The following GOLGA8A variants were observed in gnomAD, a reference collection of about 807,000 sequenced individuals.
The protein encoded by GOLGA8A is golgin subfamily A member 8A.
GOLGA8A carries 3 observed loss-of-function variants against 22.1 expected under a neutral mutation model. That is an observed-to-expected ratio of 0.14 (90% confidence interval 0.06 to 0.35). The LOEUF (loss-of-function observed/expected upper bound fraction) is 0.35. Ranked by LOEUF, GOLGA8A falls within the 10% of genes least tolerant of loss-of-function variation. The pLI is 1.00. For missense variants in GOLGA8A, 16 were observed against 233.2 expected, an observed-to-expected ratio of 0.07 and a Z score of 6.07; for synonymous variants, 7 against 91.7, an observed-to-expected ratio of 0.08 and a Z score of 5.28.
chr15:34,417,936 A>G (rs1892639147), intron 2 of GOLGA8A: 1 of 139,852 alleles, frequency 7.2e-6, no homozygotes, highest in Non-Finnish European at 1.5e-5. Context: ...GTGTTACTAA[A>G]CGTCCTACAA....
At chr15:34,421,687 T>C (rs1361419482) in intron 2 of GOLGA8A, among the ~76,000 whole-genome samples, 2 of 142,080 alleles carry the variant, frequency 1.4e-5, no homozygotes, top group Non-Finnish European at 3.1e-5. Context: ...TTACCCCTTT[T>C]TCATCACTCG....
At chr15:34,429,146 C>T (rs1893118343) in intron 2 of GOLGA8A, among the ~76,000 whole-genome samples, 1 of 147,220 alleles carries the variant, frequency 6.8e-6, no homozygotes. Context: ...CCTCTGGATG[C>T]ACCTCTCAAC....
intron 2 of GOLGA8A, among the ~76,000 whole-genome samples, chr15:34,434,914 A>G (rs1156411188): frequency 6.7e-6 from 1 of 149,438 alleles, no homozygotes; most frequent in Non-Finnish European, 1.5e-5. Flanking sequence ...CCAGGCCCAG[A>G]GCTCTCTCCG....
chr15:34,433,413 T>TG (rs566128783), intron 2 of GOLGA8A, among the ~76,000 whole-genome samples: 2 of 149,052 alleles, frequency 1.3e-5, no homozygotes, highest in Non-Finnish European at 3.0e-5. Flanking sequence ...CCCAAACAAC[T>TG]GAAAATCCAA....
intron 2 of GOLGA8A, chr15:34,416,418 C>T (rs952780676): frequency 2.7e-5 from 4 of 145,462 alleles, no homozygotes; most frequent in Non-Finnish European, 4.5e-5. Flanking sequence ...AAGCCTTTCC[C>T]AAAATATCTA....
chr15:34,425,042 G>A (rs1178592693), intron 2 of GOLGA8A, among the ~76,000 whole-genome samples: 2 of 146,610 alleles, frequency 1.4e-5, no homozygotes, highest in Admixed American at 7.0e-5. Flanking sequence ...AGCCGTGTTC[G>A]CACCGCTGCA....
chr15:34,429,944 C>T lies in GOLGA8A; in HGVS notation c.-1123+5439G>A, dbSNP rs563593696. Among the ~76,000 whole-genome samples, 35 of 147,958 alleles carry T rather than the reference C, an allele frequency of 2.4e-4. 3 individuals carry two copies. The highest frequency in any genetic ancestry group is 4.4e-4 in the South Asian group (2 of 4,538). ...TGACAGATAAAAGGAGCAACACATA[C>T]AAGGAGTTAGGCCGGGGTTGCCAAA... On this transcript the variant is annotated intron_variant, in intron 2 of 24. Coordinates refer to ENST00000359187, the MANE Select transcript of GOLGA8A (RefSeq NM_181077.5).
Position 34,425,814 on chromosome 15 carries a change from G to T in GOLGA8A, c.-1123+9569C>A, listed in dbSNP as rs349639. 1.6e-4 allele frequency among the ~76,000 whole-genome samples: 23 copies of T among 146,784 alleles called. 2 individuals carry two copies. The highest frequency in any genetic ancestry group is 3.5e-3 in the Middle Eastern group (1 of 286). On this transcript the variant is annotated intron_variant, in intron 2 of 24. Transcript: ENST00000359187. ...TTAGAAAGAGAAATTCAAATTAGTA[G>T]TAAGCACAGAAGAAACAGCTTCTTA...
Position 34,380,976 on chromosome 15 carries a change from T to C in GOLGA8A, c.*435A>G. 2 of 330,616 alleles carry C rather than the reference T, an allele frequency of 6.0e-6. No individual in the cohort carries two copies. Among genetic ancestry groups the C allele is most frequent in the Non-Finnish European group, 1.2e-5 (2 of 172,042 alleles). 20.5% of individuals were successfully genotyped at this position (330,616 alleles called of 1,614,324 possible). ...ATAGAAGAGCTCACTGTGATTAAGA[T>C]GAGATCAAACATCATAGCAGAACAT... is the stretch of plus-strand genomic sequence containing the variant. On this transcript the variant is annotated 3_prime_UTR_variant, in exon 25 of 25. Coordinates refer to ENST00000359187, the MANE Select transcript of GOLGA8A (RefSeq NM_181077.5).
intron 5 of GOLGA8A, among the ~76,000 whole-genome samples, chr15:34,403,023 C>A: frequency 1.8e-5 from 2 of 109,846 alleles, no homozygotes; most frequent in Non-Finnish European, 1.8e-5. Context: ...TTAAATGAAG[C>A]ATTATGAAGT....
At chr15:34,420,737 A>G (rs1479728527) in intron 2 of GOLGA8A, among the ~76,000 whole-genome samples, 3 of 125,042 alleles carry the variant, frequency 2.4e-5, no homozygotes, top group Non-Finnish European at 3.5e-5. Context: ...CATGGCTGAA[A>G]GCGTCACCCG....
chr15:34,405,766 G>T (rs1239482571), intron 4 of GOLGA8A, among the ~76,000 whole-genome samples: 2 of 139,202 alleles, frequency 1.4e-5, no homozygotes, highest in Non-Finnish European at 3.3e-5. Context: ...TCAGAGCCTG[G>T]GAGGTTGTGG....
chr15:34,431,339 A>ATCTCTC (rs1410030407), intron 2 of GOLGA8A, among the ~76,000 whole-genome samples: 4 of 85,466 alleles, frequency 4.7e-5, no homozygotes, highest in African/African-American at 1.5e-4. Context: ...ATATATATAT[A>ATCTCTC]TATATATCTC....
rs1301544801 is a variant in GOLGA8A, at chr15:34,421,268, A to G, written c.-1122-13533T>C. Among the ~76,000 whole-genome samples, 4 of 143,112 alleles carry G rather than the reference A, an allele frequency of 2.8e-5. 1 individual carries two copies. Among genetic ancestry groups the G allele is most frequent in the Non-Finnish European group, 6.1e-5 (4 of 65,374 alleles). 93.9% of individuals were successfully genotyped at this position (143,112 alleles called of 152,430 possible). Reference sequence around the variant, plus strand: ...AGCTACTAATTTTCCATTAAACGACAAGAAAATCGGCTATTGTGAGAAGAG... The same window carrying G: ...AGCTACTAATTTTCCATTAAACGACGAGAAAATCGGCTATTGTGAGAAGAG... On this transcript the variant is annotated intron_variant, in intron 2 of 24. Transcript: ENST00000359187.
intron 2 of GOLGA8A, among the ~76,000 whole-genome samples, chr15:34,421,733 G>A (rs1268073364): frequency 1.5e-5 from 2 of 137,664 alleles, no homozygotes; most frequent in East Asian, 4.4e-4. Flanking sequence ...AAACTGGAAG[G>A]AAGGATACGA....
intron 2 of GOLGA8A, among the ~76,000 whole-genome samples, chr15:34,421,623 T>A (rs1450368235): frequency 7.0e-6 from 1 of 143,782 alleles, no homozygotes; most frequent in Non-Finnish European, 1.5e-5. Flanking sequence ...AATCATGCCA[T>A]CTCTCAGCTC....
chr15:34,432,818 G>T lies in GOLGA8A; in HGVS notation c.-1123+2565C>A, dbSNP rs750465978. Among the ~76,000 whole-genome samples, 31 of 148,754 alleles carry T rather than the reference G, an allele frequency of 2.1e-4. 5 individuals carry two copies. Among genetic ancestry groups the T allele is most frequent in the Admixed American group, 3.4e-4 (5 of 14,662 alleles). On this transcript the variant is annotated intron_variant, in intron 2 of 24. Coordinates refer to ENST00000359187, the MANE Select transcript of GOLGA8A (RefSeq NM_181077.5). ...TAGAGTTTAGAGTTTATGACAGGCC[G>T]CCTCTGCATTCTCTCACTAGGCCGT...
At chr15:34,433,197 A>C (rs968951688) in intron 2 of GOLGA8A, among the ~76,000 whole-genome samples, 3 of 147,982 alleles carry the variant, frequency 2.0e-5, no homozygotes, top group Non-Finnish European at 3.0e-5. Context: ...AGGCAGGAGG[A>C]GGCTTCTGGA....
rs1331726305 is a variant in GOLGA8A, at chr15:34,380,385, A to T, written c.*1026T>A. Reference sequence around the variant, plus strand: ...CTGTTTCAGAGACATTTAAACTCTTAAAGGATTTCTTATGATCTTCACTAA... The same window carrying T: ...CTGTTTCAGAGACATTTAAACTCTTTAAGGATTTCTTATGATCTTCACTAA... On this transcript the variant is annotated 3_prime_UTR_variant, in exon 25 of 25. Coordinates refer to ENST00000359187, the MANE Select transcript of GOLGA8A (RefSeq NM_181077.5). 6.6e-6 allele frequency: 1 copy of T among 152,208 alleles called. No homozygotes were observed. The highest frequency in any genetic ancestry group is 1.5e-5 in the Non-Finnish European group (1 of 68,044). 9.4% of individuals were successfully genotyped at this position (152,208 alleles called of 1,614,324 possible). A position where few individuals can be genotyped will look rare whatever the true frequency, so the allele number is the denominator to read the frequency against.
Sources: allele counts gnomAD v4.1 joint callset (sites outside exome capture counted in the v4.1 genomes callset), GRCh38; gene constraint gnomAD v4.1.1; transcripts MANE v1.5; gene names NCBI Gene and HGNC (gene_info 2026-07-23, HGNC 2026-07-21).